The following ENTR1 variants were observed in gnomAD, a reference collection of about 807,000 sequenced individuals.
ENTR1 encodes endosome associated trafficking regulator 1.
ENTR1 carries 47 observed loss-of-function variants against 47.9 expected under a neutral mutation model. The ratio of observed to expected loss-of-function variants is 0.98; its 90% CI spans 0.78 to 1.25. ENTR1 has a LOEUF of 1.25. ENTR1 is among the 50% of genes most tolerant of loss of function. The pLI, the probability that ENTR1 is intolerant of heterozygous loss-of-function variation, is 0.00. For missense variants in ENTR1, 668 were observed against 570.5 expected (o/e 1.17, Z -1.74); for synonymous variants, 290 against 245.8 (o/e 1.18, Z -1.68).
intron 5 of ENTR1, among the ~76,000 whole-genome samples, chr9:136,406,783 T>A (rs78892335): frequency 0.063 from 9,490 of 149,544 alleles, 410 homozygotes; most frequent in East Asian, 0.13. Context: ...AGCTAAAAAA[T>A]TTTTTTTTTT....
chr9:136,406,084 G>C lies in ENTR1; in HGVS notation c.820-106C>G, dbSNP rs1834751497. On this transcript the variant is annotated intron_variant, in intron 5 of 9. Transcript: ENST00000357365. The stretch of plus-strand genomic sequence containing the variant: ...GCCTCCTGATAAGCAGAGATGCTGG[G>C]TCAGTGCAGCATCCACCTGCAGCCA... 1.8e-5 allele frequency: 13 copies of C among 735,142 alleles called. 1 individual carries two copies. In the South Asian group the frequency reaches 2.4e-4, roughly 14 times the overall value. 45.5% of individuals were successfully genotyped at this position (735,142 alleles called of 1,614,324 possible).
chr9:136,409,947 C>T, intron 2 of ENTR1, 143 bp downstream of exon 2: 1 of 1,014,362 alleles, frequency 9.9e-7, no homozygotes, highest in Non-Finnish European at 1.5e-6. Context: ...GCAGGGGACT[C>T]CGCCTTTGAA....
rs1215852917 is a variant in ENTR1 at position 136,410,600 on chromosome 9, G to A, written c.-203C>T. The A allele has an allele frequency of 7.8e-7, 1 of 1,276,866 alleles. No homozygotes were observed. Among genetic ancestry groups the A allele is most frequent in the Non-Finnish European group, 1.0e-6 (1 of 1,004,056 alleles). 79.1% of individuals were successfully genotyped at this position (1,276,866 alleles called of 1,614,324 possible). A position where few individuals can be genotyped will look rare whatever the true frequency, so the allele number is the denominator to read the frequency against. The stretch of plus-strand genomic sequence containing the variant: ...AGCGCGTGCCTGAACGCCTTGGGCC[G>A]TCGGCGAGGGGGAGGGGAAGCCGTG... On this transcript the variant is annotated 5_prime_UTR_variant, in exon 1 of 10. It adds an upstream start codon to the 5' untranslated region. Transcript: ENST00000357365.
Position 136,410,177 on chromosome 9 carries a change from T to C in ENTR1, c.133A>G (p.Arg45Gly). ...PQLNCERPHG[R>G]DLDSPFFGIR... ...CCGAAGAAGGGGGAGTCCAGGTCCCTGCCATGGGGGCGCTCACAATTTAGC... is the reference window on the plus strand; with the variant it reads ...CCGAAGAAGGGGGAGTCCAGGTCCCCGCCATGGGGGCGCTCACAATTTAGC... Residue 45 changes from arginine (R) to glycine (G), a missense_variant, in exon 2 of 10, where the codon AGG becomes GGG. Transcript: ENST00000357365. 1.9e-6 allele frequency: 3 copies of C among 1,609,954 alleles called. No individual in the cohort carries two copies. The highest frequency in any genetic ancestry group is 2.5e-6 in the Non-Finnish European group (3 of 1,178,878).
rs781034465 is a variant in ENTR1 at position 136,407,912 on chromosome 9, C to G, written c.316G>C (p.Ala106Pro). 1 of 1,610,120 alleles carries G rather than the reference C, an allele frequency of 6.2e-7. No individual in the cohort carries two copies. The highest frequency in any genetic ancestry group is 1.1e-5 in the South Asian group (1 of 91,020). ...GDDRFEDLEE[A>P]NPFSFREFLK... ...AACTCTCTAAAAGAGAATGGATTTG[C>G]CTCTTCCAGATCTTCAAATCTGTCA... The change falls in exon 4 of 10, where the codon GCA becomes CCA. Residue 106 changes from alanine to proline, a missense_variant. By Grantham distance (27) the Ala-to-Pro change is conservative. Coordinates refer to ENST00000357365, the MANE Select transcript of ENTR1 (RefSeq NM_001039707.2).
At chr9:136,405,065 G>C (rs745399054) in intron 7 of ENTR1, 26 bp downstream of exon 7, 1 of 1,581,220 alleles carries the variant, frequency 6.3e-7, no homozygotes, top group Admixed American at 1.7e-5. Flanking sequence ...CACCCAGCTC[G>C]TCCGATTCAG....
rs965656559 is a variant in ENTR1, at chr9:136,403,869, G to A, written c.1208+186C>T. On this transcript the variant is annotated intron_variant, in intron 9 of 9. Coordinates refer to ENST00000357365, the MANE Select transcript of ENTR1 (RefSeq NM_001039707.2). Reference sequence around the variant, plus strand: ...CAGACACTGCGAGGCAGGTTAGAAAGCCTGTGGTCTGTCCACACAGTGACC... The same window carrying A: ...CAGACACTGCGAGGCAGGTTAGAAAACCTGTGGTCTGTCCACACAGTGACC... The A allele has an allele frequency of 4.2e-5, 27 of 638,326 alleles. No homozygotes were observed. In the Middle Eastern group the frequency reaches 1.8e-3, roughly 43 times the overall value. 39.5% of individuals were successfully genotyped at this position (638,326 alleles called of 1,614,324 possible). A position where few individuals can be genotyped will look rare whatever the true frequency, so the allele number is the denominator to read the frequency against.
At position 136,410,223 on chromosome 9, in the gene ENTR1, C is replaced by T. The variant is rs1246827942; in HGVS notation, c.87G>A (p.Glu29=). ...TTAGCTGGGGGAGACAAGACCGGCG[C>T]TCATAGAACGCTGGAGCTGGAAGCA... ...LAIPDAPAFY[E]RRSCLPQLNC... is the part of the protein sequence containing the mutation. Residue 29 remains glutamate, a synonymous_variant, in exon 2 of 10, where the codon GAG becomes GAA. Coordinates refer to ENST00000357365, the MANE Select transcript of ENTR1 (RefSeq NM_001039707.2). 6.3e-7 allele frequency: 1 copy of T among 1,585,484 alleles called. No individual in the cohort carries two copies. The highest frequency in any genetic ancestry group is 8.6e-7 in the Non-Finnish European group (1 of 1,167,126).
intron 3 of ENTR1, among the ~76,000 whole-genome samples, chr9:136,408,353 C>T (rs527608685): frequency 3.0e-4 from 45 of 152,112 alleles, no homozygotes; most frequent in South Asian, 2.9e-3. Context: ...TCAAGGCGGG[C>T]GGATCACGAG....
chr9:136,410,208 G>A lies in ENTR1; in HGVS notation c.102C>T (p.Leu34=), dbSNP rs559523064. 12 of 1,597,564 alleles carry A rather than the reference G, an allele frequency of 7.5e-6. No homozygotes were observed. The highest frequency in any genetic ancestry group is 9.4e-6 in the Non-Finnish European group (11 of 1,173,238). ...APAFYERRSC[L]PQLNCERPHG... Reference sequence around the variant, plus strand: ...GGGGGCGCTCACAATTTAGCTGGGGGAGACAAGACCGGCGCTCATAGAACG... The same window carrying A: ...GGGGGCGCTCACAATTTAGCTGGGGAAGACAAGACCGGCGCTCATAGAACG... The change falls in exon 2 of 10, where the codon CTC becomes CTT. Residue 34 remains leucine (L), a synonymous_variant. Transcript: ENST00000357365.
intron 5 of ENTR1, 120 bp downstream of exon 5, chr9:136,407,025 A>T: frequency 9.9e-7 from 1 of 1,007,422 alleles, no homozygotes; most frequent in Non-Finnish European, 1.4e-6. Flanking sequence ...GCTGTCACGC[A>T]AATCGCCTTG....
chr9:136,406,227 T>C (rs553231240), intron 5 of ENTR1, among the ~76,000 whole-genome samples: 1 of 152,190 alleles, frequency 6.6e-6, no homozygotes, highest in South Asian at 2.1e-4. Context: ...CCCAGCACTT[T>C]GGGAGGCCGA....
Position 136,410,243 on chromosome 9 carries a change from G to A in ENTR1, c.71-4C>T. ...CGGCGCTCATAGAACGCTGGAGCTGGAAGCAACGACAACAGCGACTTTACT... is the reference window on the plus strand; with the variant it reads ...CGGCGCTCATAGAACGCTGGAGCTGAAAGCAACGACAACAGCGACTTTACT... On this transcript the variant is annotated splice_polypyrimidine_tract_variant and splice_region_variant and intron_variant, in intron 1 of 9. Coordinates refer to ENST00000357365, the MANE Select transcript of ENTR1 (RefSeq NM_001039707.2). 2.5e-6 allele frequency: 4 copies of A among 1,570,046 alleles called. No homozygotes were observed. The highest frequency in any genetic ancestry group is 3.5e-6 in the Non-Finnish European group (4 of 1,158,554).
Position 136,405,095 on chromosome 9 carries a change from A to G in ENTR1, c.1001T>C (p.Met334Thr). Residue 334 changes from methionine (M) to threonine (T), a missense_variant, in exon 7 of 10, where the codon ATG becomes ACG. Physicochemically the swap from Met to Thr is moderately conservative, Grantham distance 81. Transcript: ENST00000357365. ...ATTCAGAGAAGAAACCCATACGGTCATCAGCTCCAGGTTCTGCTCCACCTG... is the reference window on the plus strand; with the variant it reads ...ATTCAGAGAAGAAACCCATACGGTCGTCAGCTCCAGGTTCTGCTCCACCTG... ...VQQVEQNLELMTKRAVKAENH... is the reference protein window; with the variant it reads ...VQQVEQNLELTTKRAVKAENH... 6.2e-7 allele frequency: 1 copy of G among 1,612,468 alleles called. No homozygotes were observed. Among genetic ancestry groups the G allele is most frequent in the Non-Finnish European group, 8.5e-7 (1 of 1,178,878 alleles).
rs1412630887 is a variant in ENTR1, at chr9:136,402,255, T to G, written c.*533A>C. Reference sequence around the variant, plus strand: ...GAGGAGGACAGCAGCAGCCACGCGGTGGCCCCTGCGCACTCAGGCCATGAC... The same window carrying G: ...GAGGAGGACAGCAGCAGCCACGCGGGGGCCCCTGCGCACTCAGGCCATGAC... On this transcript the variant is annotated 3_prime_UTR_variant, in exon 10 of 10. Transcript: ENST00000357365. 1.3e-5 allele frequency: 2 copies of G among 153,038 alleles called. No individual in the cohort carries two copies. The highest frequency in any genetic ancestry group is 4.8e-5 in the African/African-American group (2 of 41,450). The allele number at this position is 153,038 out of a possible 1,614,324, so 9.5% of individuals were successfully genotyped here.
At position 136,410,559 on chromosome 9, in the gene ENTR1, C is replaced by T; in HGVS notation, c.-162G>A. 1.7e-6 allele frequency: 2 copies of T among 1,144,802 alleles called. No individual in the cohort carries two copies. The highest frequency in any genetic ancestry group is 2.2e-6 in the Non-Finnish European group (2 of 907,592). 70.9% of individuals were successfully genotyped at this position (1,144,802 alleles called of 1,614,324 possible). On this transcript the variant is annotated 5_prime_UTR_variant, in exon 1 of 10. Transcript: ENST00000357365. ...CCTCCGAGCCTCTCGCCGCTGCTTCCGCTCCGAGCACCGAAAGCGCGTGCC... is the reference window on the plus strand; with the variant it reads ...CCTCCGAGCCTCTCGCCGCTGCTTCTGCTCCGAGCACCGAAAGCGCGTGCC...
chr9:136,409,559 G>T (rs1371104181), intron 2 of ENTR1, among the ~76,000 whole-genome samples: 1 of 152,142 alleles, frequency 6.6e-6, no homozygotes, highest in African/African-American at 2.4e-5. Flanking sequence ...ACTGGCCCTG[G>T]TGTCCGTGGT....
chr9:136,410,568 C>A lies in ENTR1; in HGVS notation c.-171G>T, dbSNP rs557118308. ...CTCTCGCCGCTGCTTCCGCTCCGAG[C>A]ACCGAAAGCGCGTGCCTGAACGCCT... On this transcript the variant is annotated 5_prime_UTR_variant, in exon 1 of 10. Transcript: ENST00000357365. 8.6e-6 allele frequency: 10 copies of A among 1,162,692 alleles called. No homozygotes were observed. The Admixed American group carries it at 3.4e-4, about 39-fold the overall frequency. 72.0% of individuals were successfully genotyped at this position (1,162,692 alleles called of 1,614,324 possible).
At chr9:136,404,813 C>T in intron 7 of ENTR1, 120 bp from the exon 8 acceptor site, 1 of 949,964 alleles carries the variant, frequency 1.1e-6, no homozygotes, top group Admixed American at 2.1e-5. Context: ...CCTTCACAGC[C>T]CCTGTGCCCC....
Sources: allele counts gnomAD v4.1 joint callset (sites outside exome capture counted in the v4.1 genomes callset), GRCh38; gene constraint gnomAD v4.1.1; transcripts MANE v1.5; gene names NCBI Gene and HGNC (gene_info 2026-07-23, HGNC 2026-07-21).